The following FHAD1 variants were observed in gnomAD, a reference collection of about 807,000 sequenced individuals.
FHAD1 encodes forkhead associated phosphopeptide binding domain 1, also known as forkhead-associated domain-containing protein 1.
In FHAD1, 146 loss-of-function variants were observed where a neutral mutation model predicts 191.3. The observed-to-expected ratio is 0.76, with a 90% CI of 0.67 to 0.88. FHAD1 has a LOEUF of 0.88. Among genes scored for constraint, FHAD1 ranks in the 40% least tolerant of loss-of-function variants. The pLI is 0.00. For synonymous variants in FHAD1, 616 were observed against 672.3 expected, an observed-to-expected ratio of 0.92 and a Z score of 1.29; for missense variants, 1,635 against 1,785.8, an observed-to-expected ratio of 0.92 and a Z score of 1.52.
intron 20 of FHAD1, among the ~76,000 whole-genome samples, chr1:15,355,641 C>T (rs1434949487): frequency 1.3e-5 from 2 of 152,148 alleles, no homozygotes; most frequent in Non-Finnish European, 2.9e-5. Context: ...TGGGGTGCAT[C>T]GCTGAGCTGT....
chr1:15,330,773 G>A (rs569172249), intron 14 of FHAD1, among the ~76,000 whole-genome samples: 1 of 152,292 alleles, frequency 6.6e-6, no homozygotes, highest in African/African-American at 2.4e-5. Context: ...ATGCATGTGG[G>A]GTCTCGCAGG....
At position 15,375,732 on chromosome 1, in the gene FHAD1, T is replaced by C. The variant is rs1558269661; in HGVS notation, c.3705+2T>C. ...CTCTCAAGAATAGAGATCCTAGCGG[T>C]AACCAAAGAAAATTCTCTCTGCTGT... On this transcript the variant is annotated splice_donor_variant, in intron 28 of 33. Transcript: ENST00000688493. LOFTEE classifies it high-confidence loss of function. The C allele has an allele frequency of 6.5e-7, 1 of 1,529,836 alleles. No homozygotes were observed. The highest frequency in any genetic ancestry group is 1.3e-5 in the South Asian group (1 of 79,794). 94.8% of individuals were successfully genotyped at this position (1,529,836 alleles called of 1,614,324 possible).
At chr1:15,281,239 C>T (rs1660490270) in intron 3 of FHAD1, among the ~76,000 whole-genome samples, 1 of 152,178 alleles carries the variant, frequency 6.6e-6, no homozygotes, top group Non-Finnish European at 1.5e-5. Context: ...CTGCTCTCTG[C>T]TGGGATCAGT....
chr1:15,333,760 G>A (rs1682728202), intron 14 of FHAD1, among the ~76,000 whole-genome samples: 1 of 146,900 alleles, frequency 6.8e-6, no homozygotes, highest in African/African-American at 2.5e-5. Context: ...CACACGCATT[G>A]TGTACTTTTA....
chr1:15,398,735 C>A (rs922912576), downstream of FHAD1, among the ~76,000 whole-genome samples: 2 of 151,152 alleles, frequency 1.3e-5, no homozygotes, highest in African/African-American at 4.9e-5. Context: ...GTTCTGCCTT[C>A]TCTCCATCTA....
At chr1:15,292,677 A>G (rs1665271232) in intron 4 of FHAD1, among the ~76,000 whole-genome samples, 1 of 152,226 alleles carries the variant, frequency 6.6e-6, no homozygotes, top group Admixed American at 6.5e-5. Context: ...ATTAGGACAC[A>G]AGCAACACCA....
chr1:15,371,995 A>AT (rs1418979784), intron 26 of FHAD1, among the ~76,000 whole-genome samples: 3 of 152,218 alleles, frequency 2.0e-5, no homozygotes, highest in African/African-American at 7.2e-5. Flanking sequence ...TTCAAAGGAG[A>AT]TAAAGACTGC....
In FHAD1 at chr1:15,308,647, T is replaced by C. The variant is rs1479285440; in HGVS notation, c.950T>C (p.Leu317Pro). The C allele has an allele frequency of 3.9e-6, 6 of 1,551,648 alleles. No individual in the cohort carries two copies. Among genetic ancestry groups the C allele is most frequent in the Non-Finnish European group, 5.2e-6 (6 of 1,147,012 alleles). The change falls in exon 7 of 34, where the codon CTG (leucine) becomes CCG (proline). Residue 317 changes from leucine (L) to proline (P), a missense_variant. Transcript: ENST00000688493. Reference protein sequence around the residue: ...SALQKGYSKVLCQTLSERNSE... With the variant: ...SALQKGYSKVPCQTLSERNSE... The stretch of plus-strand genomic sequence containing the variant: ...CTACAGAAAGGCTACAGCAAGGTGC[T>C]GTGCCAGACCCTGTCAGAGCGGAAC...
intron 18 of FHAD1, among the ~76,000 whole-genome samples, chr1:15,347,298 C>T (rs955755547): frequency 2.6e-4 from 39 of 152,132 alleles, no homozygotes; most frequent in Admixed American, 2.6e-4. Context: ...TTTGAGGCCA[C>T]GGGGCTCAGG....
intron 28 of FHAD1, among the ~76,000 whole-genome samples, chr1:15,377,615 A>G (rs1396184395): frequency 1.3e-5 from 2 of 152,122 alleles, no homozygotes; most frequent in Admixed American, 1.3e-4. Flanking sequence ...AGGCGGGCAG[A>G]TCACTTTGAG....
chr1:15,252,281 A>T (rs1646875638), intron 2 of FHAD1, among the ~76,000 whole-genome samples: 1 of 152,200 alleles, frequency 6.6e-6, no homozygotes, highest in Non-Finnish European at 1.5e-5. Flanking sequence ...GCTCCTACAG[A>T]GCCCGGCCGC....
chr1:15,255,339 T>A (rs1286370507), intron 2 of FHAD1, among the ~76,000 whole-genome samples: 1 of 152,222 alleles, frequency 6.6e-6, no homozygotes, highest in Non-Finnish European at 1.5e-5. Context: ...CTATTGTTTT[T>A]TAAAAAATTG....
At chr1:15,281,423 G>T (rs1660547087) in intron 3 of FHAD1, among the ~76,000 whole-genome samples, 1 of 152,080 alleles carries the variant, frequency 6.6e-6, no homozygotes, top group African/African-American at 2.4e-5. Context: ...TTTTTTTCTG[G>T]TAACTCAAAG....
In FHAD1 at chr1:15,272,399, A is replaced by G. The variant is rs776954896; in HGVS notation, c.170A>G (p.Asn57Ser). 17 of 1,551,628 alleles carry G rather than the reference A, an allele frequency of 1.1e-5. No individual in the cohort carries two copies. The highest frequency in any genetic ancestry group is 9.5e-5 in the South Asian group (8 of 84,064). ...AECSFVLQDFNSRNGTFVNEC... is the reference protein window; with the variant it reads ...AECSFVLQDFSSRNGTFVNEC... ...TGCAGCTTTGTTCTCCAGGACTTCA[A>G]TTCCCGCAACGGCACGTTTGTCAAC... Residue 57 changes from asparagine (N) to serine (S), a missense_variant, in exon 3 of 34, where the codon AAT (asparagine) becomes AGT (serine). Physicochemically the swap from Asn to Ser is conservative, Grantham distance 46 (BLOSUM62 1). Transcript: ENST00000688493.
rs573116047 is a variant in FHAD1, at chr1:15,374,571, A to G, written c.3517A>G (p.Lys1173Glu). ...SRHEEVIQRQ[K>E]KALSELRARI... ...GCACGAGGAGGTCATTCAGCGTCAG[A>G]AAAAGGCCTTATCTGAACTTCGAGC... The change falls in exon 27 of 34, where the codon AAA becomes GAA. Residue 1173 changes from lysine to glutamate, a missense_variant. Transcript: ENST00000688493. The G allele has an allele frequency of 1.9e-6, 3 of 1,551,738 alleles. No homozygotes were observed. Among genetic ancestry groups the G allele is most frequent in the East Asian group, 2.4e-5 (1 of 40,906 alleles).
At chr1:15,351,073 G>A (rs935572632) in intron 19 of FHAD1, among the ~76,000 whole-genome samples, 2 of 152,178 alleles carry the variant, frequency 1.3e-5, no homozygotes, top group Non-Finnish European at 2.9e-5. Flanking sequence ...TGCTGGGTGC[G>A]ATGGCTCACG....
At chr1:15,298,958 CAG>C (rs1667765060) in intron 5 of FHAD1, among the ~76,000 whole-genome samples, 1 of 150,650 alleles carries the variant, frequency 6.6e-6, no homozygotes, top group Admixed American at 6.6e-5. Context: ...CACTTGAGCC[CAG>C]GAGTTCAAGC....
chr1:15,273,646 C>A (rs972185982), intron 3 of FHAD1, among the ~76,000 whole-genome samples: 1 of 152,160 alleles, frequency 6.6e-6, no homozygotes, highest in South Asian at 2.1e-4. Context: ...TTGCCATCAC[C>A]ATGTACATCC....
At position 15,349,098 on chromosome 1, in the gene FHAD1, G is replaced by A. The variant is rs192804195; in HGVS notation, c.2403G>A (p.Ser801=). The change falls in exon 19 of 34, where the codon TCG becomes TCA. Residue 801 remains serine, a synonymous_variant. Coordinates refer to ENST00000688493, the MANE Select transcript of FHAD1 (RefSeq NM_001391957.1). ...EKRKAKEALE[S]EKRKVQDLEN... is the part of the protein sequence containing the mutation. ...GAAAAGCAAAGGAAGCCTTGGAGTCGGAAAAGAGAAAAGTTCAGGATCTGG... is the reference window on the plus strand; with the variant it reads ...GAAAAGCAAAGGAAGCCTTGGAGTCAGAAAAGAGAAAAGTTCAGGATCTGG... 726 of 1,551,586 alleles carry A rather than the reference G, an allele frequency of 4.7e-4. 5 individuals carry two copies. The African/African-American group carries it at 7.7e-3, about 16-fold the overall frequency.
Sources: allele counts gnomAD v4.1 joint callset (sites outside exome capture counted in the v4.1 genomes callset), GRCh38; gene constraint gnomAD v4.1.1; transcripts MANE v1.5; gene names NCBI Gene and HGNC (gene_info 2026-07-23, HGNC 2026-07-21).